SV2B: variants seen among roughly 807,000 people sequenced by gnomAD.
SV2B encodes the protein synaptic vesicle glycoprotein 2B.
A neutral mutation model predicts 73.9 loss-of-function variants in SV2B; 41 were observed. The observed-to-expected ratio is 0.56, with a 90% CI of 0.43 to 0.72. The LOEUF (loss-of-function observed/expected upper bound fraction) is 0.72. Among genes scored for constraint, SV2B ranks in the 30% least tolerant of loss-of-function variants. SV2B has a pLI of 0.00. For synonymous variants in SV2B, 314 were observed against 314.2 expected (o/e 1.00, Z 0.01); for missense variants, 764 against 857.8 (o/e 0.89, Z 1.37).
At position 91,123,677 on chromosome 15, in the gene SV2B, T is replaced by C. The variant is rs975397592; in HGVS notation, c.-392+23314T>C. On this transcript the variant is annotated intron_variant, in intron 1 of 12. Transcript: ENST00000394232. The surrounding 1 kb of genome is among the most constrained non-coding windows in gnomAD (Gnocchi z 4.7). The stretch of plus-strand genomic sequence containing the variant: ...AAGGCCAGTTATTTGTCTAGCACTT[T>C]CTGAAGAGTAGACGTGAGGAGCGGT... 6.6e-6 allele frequency among the ~76,000 whole-genome samples: 1 copy of C among 152,184 alleles called. No individual in the cohort carries two copies. Among genetic ancestry groups the C allele is most frequent in the African/African-American group, 2.4e-5 (1 of 41,426 alleles).
chr15:91,258,618 T>C lies in SV2B; in HGVS notation c.918+64T>C. The C allele has an allele frequency of 6.2e-7, 1 of 1,606,002 alleles. No individual in the cohort carries two copies. The highest frequency in any genetic ancestry group is 8.5e-7 in the Non-Finnish European group (1 of 1,176,024). On this transcript the variant is annotated intron_variant, in intron 5 of 12. Transcript: ENST00000394232. The surrounding 1 kb of genome is among the most constrained non-coding windows in gnomAD (Gnocchi z 4.7). ...ACAGCCACAGGAACCCAGCCTCGCT[T>C]CCTTCTCTCAGCTCCTAGTCCCACA...
intron 5 of SV2B, among the ~76,000 whole-genome samples, chr15:91,259,674 A>G (rs2047835634): frequency 6.6e-6 from 1 of 152,082 alleles, no homozygotes; most frequent in Non-Finnish European, 1.5e-5. Flanking sequence ...CCTCTTTCAG[A>G]TTCTGGTGGT....
chr15:91,250,961 A>G (rs2047459582), intron 2 of SV2B, among the ~76,000 whole-genome samples: 2 of 152,202 alleles, frequency 1.3e-5, no homozygotes, highest in Admixed American at 1.3e-4. Flanking sequence ...AACATCCTAA[A>G]ATTCATATAG....
intron 1 of SV2B, among the ~76,000 whole-genome samples, chr15:91,165,089 C>A (rs2043863530): frequency 6.6e-6 from 1 of 152,112 alleles, no homozygotes. Context: ...GTAATCCCAA[C>A]ACTTTGGGAG....
rs1184200323 is a variant in SV2B at position 91,132,889 on chromosome 15, G to A, written c.-392+32526G>A. The stretch of plus-strand genomic sequence containing the variant: ...TAATGTAGGGCTGAAAATTGTGCAT[G>A]TCTCTGGTTCCTCATGGGAATTGGC... On this transcript the variant is annotated intron_variant, in intron 1 of 12. Coordinates refer to ENST00000394232, the MANE Select transcript of SV2B (RefSeq NM_001323032.3). This position sits in a 1 kb window ranked among gnomAD's most constrained non-coding sequence, Gnocchi z 4.6. Among the ~76,000 whole-genome samples the A allele has an allele frequency of 6.6e-6, 1 of 152,152 alleles. No individual in the cohort carries two copies. The highest frequency in any genetic ancestry group is 6.5e-5 in the Admixed American group (1 of 15,270).
rs1309498787 is a variant in SV2B at position 91,301,388 on chromosome 15, T to G, written c.*8836T>G. The G allele has an allele frequency of 6.6e-6, 1 of 152,236 alleles. No individual in the cohort carries two copies. Among genetic ancestry groups the G allele is most frequent in the African/African-American group, 2.4e-5 (1 of 41,452 alleles). The allele number at this position is 152,236 out of a possible 1,614,324, so 9.4% of individuals were successfully genotyped here. A position where few individuals can be genotyped will look rare whatever the true frequency, so the allele number is the denominator to read the frequency against. ...GTTTTTCCATCTGACTGTCACTGGA[T>G]AGTGGAATTGCTCTGATTACCGATG... On this transcript the variant is annotated 3_prime_UTR_variant, in exon 13 of 13. Transcript: ENST00000394232. This position sits in a 1 kb window ranked among gnomAD's most constrained non-coding sequence, Gnocchi z 4.3.
Position 91,298,545 on chromosome 15 carries a change from G to A in SV2B, c.*5993G>A, listed in dbSNP as rs2049329569. On this transcript the variant is annotated 3_prime_UTR_variant, in exon 13 of 13. Transcript: ENST00000394232. This position sits in a 1 kb window ranked among gnomAD's most constrained non-coding sequence, Gnocchi z 5.4. Reference sequence around the variant, plus strand: ...AAATGGAGAAATAAAAGTTGTTATAGTCATTGCTAATTACAGAATGAGCAA... The same window carrying A: ...AAATGGAGAAATAAAAGTTGTTATAATCATTGCTAATTACAGAATGAGCAA... 1 of 152,194 alleles carries A rather than the reference G, an allele frequency of 6.6e-6. No homozygotes were observed. Among genetic ancestry groups the A allele is most frequent in the Admixed American group, 6.5e-5 (1 of 15,280 alleles). 9.4% of individuals were successfully genotyped at this position (152,194 alleles called of 1,614,324 possible).
At chr15:91,211,788 C>T (rs1196234249) in intron 1 of SV2B, among the ~76,000 whole-genome samples, 1 of 150,718 alleles carries the variant, frequency 6.6e-6, no homozygotes, top group East Asian at 1.9e-4. Context: ...AGGCATGAGC[C>T]ACCTCGCCTG....
rs140448459 is a variant in SV2B, at chr15:91,264,052, C to T, written c.1009-2530C>T. On this transcript the variant is annotated intron_variant, in intron 6 of 12. Transcript: ENST00000394232. The stretch of plus-strand genomic sequence containing the variant: ...AGTCCTGCTGGATAATTCCTTCCCA[C>T]CCTGTTCTGCCTGTCTGCCCTTGCC... Among the ~76,000 whole-genome samples, 102 of 152,382 alleles carry T rather than the reference C, an allele frequency of 6.7e-4. 2 individuals carry two copies. Among genetic ancestry groups the T allele is most frequent in the Middle Eastern group, 3.4e-3 (1 of 294 alleles).
chr15:91,107,246 A>G (rs911359626), intron 1 of SV2B, among the ~76,000 whole-genome samples: 1 of 152,154 alleles, frequency 6.6e-6, no homozygotes, highest in African/African-American at 2.4e-5. Context: ...AGTGGGCTTT[A>G]GCATCAGACA....
chr15:91,107,469 C>T (rs58722282), intron 1 of SV2B, among the ~76,000 whole-genome samples: 7,971 of 151,886 alleles, frequency 0.052, 245 homozygotes, highest in South Asian at 0.095. Flanking sequence ...CGTGCCACCA[C>T]GCCCAGCTAA....
chr15:91,202,337 A>G (rs559640099), intron 1 of SV2B, among the ~76,000 whole-genome samples: 14 of 152,252 alleles, frequency 9.2e-5, no homozygotes, highest in Admixed American at 2.6e-4. Context: ...CTTAGCACAT[A>G]GTAGGTGCTC....
intron 1 of SV2B, among the ~76,000 whole-genome samples, chr15:91,134,614 G>T (rs550868225): frequency 6.6e-6 from 1 of 152,278 alleles, no homozygotes; most frequent in African/African-American, 2.4e-5. Context: ...ACAGGCTCTG[G>T]AATGAAATGT....
intron 1 of SV2B, among the ~76,000 whole-genome samples, chr15:91,201,389 C>G (rs2045455796): frequency 2.0e-5 from 3 of 152,228 alleles, no homozygotes; most frequent in Admixed American, 2.0e-4. Context: ...TACAGATGTT[C>G]TCCCTACATC....
At chr15:91,178,039 T>C (rs2044389519) in intron 1 of SV2B, among the ~76,000 whole-genome samples, 1 of 151,814 alleles carries the variant, frequency 6.6e-6, no homozygotes, top group Non-Finnish European at 1.5e-5. Context: ...TTGTCATAGA[T>C]AGCTCTTATT....
rs1427284106 is a variant in SV2B, at chr15:91,288,056, T to C, written c.1709-1465T>C. ...CCCTCCCAACTGATAAGAAAGTCCA[T>C]GGGGTTAGCGTGTAGAGGGTATGTA... On this transcript the variant is annotated intron_variant, in intron 11 of 12. Transcript: ENST00000394232. The surrounding 1 kb of genome is among the most constrained non-coding windows in gnomAD (Gnocchi z 5.8). Among the ~76,000 whole-genome samples the C allele has an allele frequency of 6.6e-6, 1 of 151,932 alleles. No homozygotes were observed. The highest frequency in any genetic ancestry group is 2.4e-5 in the African/African-American group (1 of 41,354).
chr15:91,191,630 C>T (rs2045035647), intron 1 of SV2B, among the ~76,000 whole-genome samples: 1 of 152,166 alleles, frequency 6.6e-6, no homozygotes, highest in Non-Finnish European at 1.5e-5. Context: ...TCTCTCTCCC[C>T]TACTGCGGTA....
At chr15:91,278,935 G>A (rs796248681) in intron 9 of SV2B, among the ~76,000 whole-genome samples, 43 of 152,166 alleles carry the variant, frequency 2.8e-4, no homozygotes, top group African/African-American at 8.4e-4. Context: ...TTGGGGAGCC[G>A]TAGCCTTTAT....
chr15:91,158,811 C>A (rs1054810409), intron 1 of SV2B, among the ~76,000 whole-genome samples: 8 of 150,380 alleles, frequency 5.3e-5, no homozygotes, highest in Non-Finnish European at 1.2e-4. Context: ...TTCCTCTCTT[C>A]CTTCTTTCTA....
Sources: allele counts gnomAD v4.1 joint callset (sites outside exome capture counted in the v4.1 genomes callset), GRCh38; gene constraint gnomAD v4.1.1; non-coding constraint Gnocchi (gnomAD v3.1); transcripts MANE v1.5; gene names NCBI Gene and HGNC (gene_info 2026-07-23, HGNC 2026-07-21).